ACSBG1: variants seen among roughly 807,000 people sequenced by gnomAD.
The protein encoded by ACSBG1 is acyl-CoA synthetase bubblegum family member 1, also known as long-chain-fatty-acid--CoA ligase ACSBG1.
Under a neutral mutation model 80.2 loss-of-function variants are expected in ACSBG1, and 39 were observed. That is an observed-to-expected ratio of 0.49 (90% CI 0.38 to 0.64). ACSBG1 has a LOEUF of 0.64. ACSBG1 is among the 30% of genes least tolerant of loss of function. The pLI is 0.00. For missense variants in ACSBG1, 828 were observed against 966.4 expected (o/e 0.86, Z 1.90); for synonymous variants, 392 against 379.5 (o/e 1.03, Z -0.38).
intron 1 of ACSBG1, among the ~76,000 whole-genome samples, chr15:78,214,747 C>T (rs2075294229): frequency 2.6e-5 from 4 of 151,948 alleles, no homozygotes. Context: ...AGCCTCAGCC[C>T]TAATTTTAAG....
At chr15:78,200,699 T>C (rs560300708) in intron 2 of ACSBG1, among the ~76,000 whole-genome samples, 1 of 152,138 alleles carries the variant, frequency 6.6e-6, no homozygotes, top group Admixed American at 6.5e-5. Flanking sequence ...GAAAGGACTA[T>C]CATGCCTCCC....
Position 78,207,681 on chromosome 15 carries a change from C to A in ACSBG1, c.232+321G>T, listed in dbSNP as rs117153209. 11 of 359,168 alleles carry A rather than the reference C, an allele frequency of 3.1e-5. No individual in the cohort carries two copies. The East Asian group carries it at 3.3e-4, about 11-fold the overall frequency. 22.2% of individuals were successfully genotyped at this position (359,168 alleles called of 1,614,324 possible). On this transcript the variant is annotated intron_variant, in intron 2 of 13. Coordinates refer to ENST00000258873, the MANE Select transcript of ACSBG1 (RefSeq NM_015162.5). ...GGGCTTTCTCCTGTCCCTCAGCAAC[C>A]CTTTGCTGGAGCCCCAAGTTCCCAA... is the stretch of plus-strand genomic sequence containing the variant.
At chr15:78,224,698 GC>G in intron 1 of ACSBG1, among the ~76,000 whole-genome samples, 1 of 151,558 alleles carries the variant, frequency 6.6e-6, no homozygotes, top group African/African-American at 2.4e-5. Flanking sequence ...TCCAGCCTGG[GC>G]GACAGAGCGA....
intron 11 of ACSBG1, among the ~76,000 whole-genome samples, chr15:78,176,292 C>T (rs2074882355): frequency 6.6e-6 from 1 of 152,080 alleles, no homozygotes; most frequent in Admixed American, 6.5e-5. Context: ...CACTTCTATT[C>T]AACACTGTCC....
At chr15:78,176,548 A>G (rs542045795) in intron 11 of ACSBG1, among the ~76,000 whole-genome samples, 2 of 152,232 alleles carry the variant, frequency 1.3e-5, no homozygotes, top group Non-Finnish European at 2.9e-5. Flanking sequence ...GAGCTGAAAA[A>G]AAAATTTTAA....
At chr15:78,218,809 CTTTTTTTTTTT>C (rs1188892122) in intron 1 of ACSBG1, among the ~76,000 whole-genome samples, 1 of 37,120 alleles carries the variant, frequency 2.7e-5, no homozygotes, top group Non-Finnish European at 6.7e-5. Context: ...TATCGCTCTC[CTTTTTTTTTTT>C]TTTTTTTTTT....
intron 2 of ACSBG1, among the ~76,000 whole-genome samples, chr15:78,207,135 C>A (rs1409860623): frequency 6.6e-6 from 1 of 152,224 alleles, no homozygotes; most frequent in East Asian, 1.9e-4. Flanking sequence ...CTCCCGGGAC[C>A]AAGCTGTCCC....
chr15:78,168,844 C>T lies in ACSBG1; in HGVS notation c.*2600G>A, dbSNP rs1357121812. The T allele has an allele frequency of 2.2e-6, 2 of 898,872 alleles. No homozygotes were observed. Among genetic ancestry groups the T allele is most frequent in the African/African-American group, 3.3e-5 (2 of 60,668 alleles). 55.7% of individuals were successfully genotyped at this position (898,872 alleles called of 1,614,324 possible). On this transcript the variant is annotated 3_prime_UTR_variant, in exon 14 of 14. Transcript: ENST00000258873. ...CGAGTAACTTGCCCAGGTGGCATCT[C>T]ACTGAGGGCTTTAAAATCTCCTTGG...
chr15:78,211,403 G>A (rs1567094413), intron 1 of ACSBG1, among the ~76,000 whole-genome samples: 1 of 152,234 alleles, frequency 6.6e-6, no homozygotes, highest in Non-Finnish European at 1.5e-5. Flanking sequence ...GTGGAAGAAC[G>A]GCCTGAGGAG....
chr15:78,185,621 G>T (rs766867985), intron 5 of ACSBG1, among the ~76,000 whole-genome samples: 4 of 152,032 alleles, frequency 2.6e-5, no homozygotes, highest in Non-Finnish European at 5.9e-5. Context: ...TAAATTGGTG[G>T]ATTAAAACTA....
At chr15:78,219,355 C>T (rs545444876) in intron 1 of ACSBG1, among the ~76,000 whole-genome samples, 8 of 147,874 alleles carry the variant, frequency 5.4e-5, no homozygotes, top group East Asian at 4.1e-4. Context: ...TGCAGTGAGC[C>T]GAGATTGTGC....
chr15:78,208,204 G>C, intron 1 of ACSBG1, 102 bp from the exon 2 acceptor site: 1 of 819,400 alleles, frequency 1.2e-6, no homozygotes, highest in African/African-American at 1.7e-5. Flanking sequence ...CCCCCAGGGG[G>C]ACACTGGCAC....
At chr15:78,209,354 T>C (rs577273692) in intron 1 of ACSBG1, 6 of 433,632 alleles carry the variant, frequency 1.4e-5, no homozygotes, top group Admixed American at 2.4e-5. Context: ...CTTGCGAAAT[T>C]TGTGAGCAAG....
Position 78,234,440 on chromosome 15 carries a change from CT to C in ACSBG1, c.61del (p.Ser21AlafsTer12). The part of the protein sequence containing the change: ...CPHGDPSMLD[S>X]RETPQESRQD... Reference sequence around the variant, plus strand: ...CCGGCTCTCCTGTGGGGTCTCTCTGCTGTCCAGCATGCTGGGGTCCCCGTGT... The same window carrying C: ...CCGGCTCTCCTGTGGGGTCTCTCTGCGTCCAGCATGCTGGGGTCCCCGTGT... On this transcript the variant is annotated frameshift_variant, in exon 1 of 14. Transcript: ENST00000258873. LOFTEE classifies it high-confidence loss of function. The C allele has an allele frequency of 1.2e-6, 2 of 1,613,134 alleles. No individual in the cohort carries two copies. The highest frequency in any genetic ancestry group is 1.7e-6 in the Non-Finnish European group (2 of 1,180,028).
chr15:78,234,440 C>T lies in ACSBG1; in HGVS notation c.62G>A (p.Ser21Asn). Residue 21 changes from serine to asparagine, a missense_variant, in exon 1 of 14, where the codon AGC (serine) becomes AAC (asparagine). Ser to Asn is a conservative substitution (Grantham distance 46). Around this residue, in one of 3 missense-constraint regions of ACSBG1, gnomAD observed 356 missense variants for 363.5 expected, o/e 0.98. Transcript: ENST00000258873. ...CCGGCTCTCCTGTGGGGTCTCTCTGCTGTCCAGCATGCTGGGGTCCCCGTG... is the reference window on the plus strand; with the variant it reads ...CCGGCTCTCCTGTGGGGTCTCTCTGTTGTCCAGCATGCTGGGGTCCCCGTG... Reference protein sequence around the residue: ...CPHGDPSMLDSRETPQESRQD... With the variant: ...CPHGDPSMLDNRETPQESRQD... 1.2e-6 allele frequency: 2 copies of T among 1,613,134 alleles called. No individual in the cohort carries two copies. Among genetic ancestry groups the T allele is most frequent in the Non-Finnish European group, 1.7e-6 (2 of 1,180,028 alleles).
rs878884500 is a variant in ACSBG1, at chr15:78,167,629, A to G, written c.*3815T>C. 2.6e-5 allele frequency: 4 copies of G among 152,098 alleles called. No homozygotes were observed. Among genetic ancestry groups the G allele is most frequent in the Non-Finnish European group, 4.4e-5 (3 of 68,022 alleles). 9.4% of individuals were successfully genotyped at this position (152,098 alleles called of 1,614,324 possible). ...ATCTCCAGACCAGTTTCATTTTCTCAAACTGAGACTCTGCACCCGTTAAAC... is the reference window on the plus strand; with the variant it reads ...ATCTCCAGACCAGTTTCATTTTCTCGAACTGAGACTCTGCACCCGTTAAAC... On this transcript the variant is annotated 3_prime_UTR_variant, in exon 14 of 14. Coordinates refer to ENST00000258873, the MANE Select transcript of ACSBG1 (RefSeq NM_015162.5).
intron 4 of ACSBG1, 21 bp downstream of exon 4, chr15:78,193,911 G>C (rs756761819): frequency 3.4e-5 from 55 of 1,605,326 alleles, no homozygotes; most frequent in Non-Finnish European, 4.6e-5. Flanking sequence ...TGGAGACCCC[G>C]TCCCTGCCCC....
chr15:78,194,065 G>C, intron 3 of ACSBG1, 45 bp from the exon 4 acceptor site: 1 of 1,592,626 alleles, frequency 6.3e-7, no homozygotes, highest in South Asian at 1.1e-5. Context: ...GGCAGGGACT[G>C]GGACCCTCAT....
Position 78,194,655 on chromosome 15 carries a change from G to C in ACSBG1, c.304C>G (p.Pro102Ala). 1 of 1,614,244 alleles carries C rather than the reference G, an allele frequency of 6.2e-7. No individual in the cohort carries two copies. The highest frequency in any genetic ancestry group is 2.2e-5 in the East Asian group (1 of 44,884). The part of the protein sequence containing the change: ...LRIDPSCPQL[P>A]YTVHRMFYEA... ...TAGAACATCCGATGCACAGTGTAGG[G>C]AAGCTGTGGGCAGCTGGGGTCTATG... is the stretch of plus-strand genomic sequence containing the variant. The change falls in exon 3 of 14, where the codon CCC becomes GCC. Residue 102 changes from proline (P) to alanine (A), a missense_variant. By Grantham distance (27) the Pro-to-Ala change is conservative. Around this residue, in one of 3 missense-constraint regions of ACSBG1, gnomAD observed 356 missense variants for 363.5 expected, o/e 0.98. Coordinates refer to ENST00000258873, the MANE Select transcript of ACSBG1 (RefSeq NM_015162.5).
Sources: allele counts gnomAD v4.1 joint callset (sites outside exome capture counted in the v4.1 genomes callset), GRCh38; gene constraint gnomAD v4.1.1; regional missense constraint gnomAD v4.1.1; transcripts MANE v1.5; gene names NCBI Gene and HGNC (gene_info 2026-07-23, HGNC 2026-07-21).